CALN1: variants seen among roughly 807,000 people sequenced by gnomAD.
CALN1 encodes calneuron 1.
A neutral mutation model predicts 30.6 loss-of-function variants in CALN1; 17 were observed. The observed-to-expected ratio is 0.56, with a 90% CI of 0.38 to 0.83. The LOEUF (loss-of-function observed/expected upper bound fraction) is 0.83, where lower values mean the gene tolerates loss of function less well. Among genes scored for constraint, CALN1 ranks in the 40% least tolerant of loss-of-function variants. The pLI is 0.00. For missense variants in CALN1, 291 were observed against 354.9 expected, an observed-to-expected ratio of 0.82 and a Z score of 1.45; for synonymous variants, 156 against 131.4, an observed-to-expected ratio of 1.19 and a Z score of -1.28.
chr7:72,165,483 C>T (rs935623690), intron 3 of CALN1, among the ~76,000 whole-genome samples: 11 of 151,924 alleles, frequency 7.2e-5, no homozygotes, highest in Admixed American at 6.6e-4. Flanking sequence ...ACAGGAGAAT[C>T]GCTTAAACCC....
At chr7:72,106,464 G>A (rs768278819) in intron 3 of CALN1, among the ~76,000 whole-genome samples, 170 bp from the exon 4 acceptor site, 5 of 148,298 alleles carry the variant, frequency 3.4e-5, no homozygotes, top group Admixed American at 6.8e-5. Flanking sequence ...GAAAAGAAAC[G>A]AAGAAAAGAA....
intron 3 of CALN1, among the ~76,000 whole-genome samples, chr7:72,143,863 T>C (rs1274244466): frequency 6.6e-6 from 1 of 152,128 alleles, no homozygotes; most frequent in African/African-American, 2.4e-5. Context: ...GAATTTCATA[T>C]CCAGCCAAAC....
At chr7:72,091,173 A>G (rs1805833309) in intron 4 of CALN1, among the ~76,000 whole-genome samples, 1 of 152,182 alleles carries the variant, frequency 6.6e-6, no homozygotes, top group Admixed American at 6.5e-5. Flanking sequence ...TACTAAAAAT[A>G]CAAAAAAAAT....
intron 5 of CALN1, among the ~76,000 whole-genome samples, chr7:71,816,588 A>C (rs961682816): frequency 6.6e-6 from 1 of 152,176 alleles, no homozygotes; most frequent in African/African-American, 2.4e-5. Context: ...GGTTGCTGTC[A>C]TTCAGAAATC....
intron 5 of CALN1, among the ~76,000 whole-genome samples, chr7:71,907,900 CTGTCCCCAGGGACAAAGGA>C (rs545383264): frequency 0.01 from 1,576 of 152,316 alleles, 19 homozygotes; most frequent in African/African-American, 0.036. Flanking sequence ...TGATGATATC[CTGTCCCCAGGGACAAAGGA>C]TTAATAAAAA....
intron 3 of CALN1, among the ~76,000 whole-genome samples, chr7:72,267,787 G>C (rs756553482): frequency 6.6e-6 from 1 of 152,222 alleles, no homozygotes; most frequent in Non-Finnish European, 1.5e-5. Flanking sequence ...AAGGAGGATT[G>C]CTTGAGGCCA....
At chr7:72,175,415 G>T (rs1322935050) in intron 3 of CALN1, among the ~76,000 whole-genome samples, 2 of 152,080 alleles carry the variant, frequency 1.3e-5, no homozygotes, top group Admixed American at 1.3e-4. Context: ...AGTAAGTGGG[G>T]TAAGAAAGCA....
chr7:71,921,459 C>T (rs569004894), intron 5 of CALN1, among the ~76,000 whole-genome samples: 25 of 152,238 alleles, frequency 1.6e-4, no homozygotes, highest in Admixed American at 1.5e-3. Flanking sequence ...TTCTTATTTA[C>T]TGATACTTAA....
intron 5 of CALN1, among the ~76,000 whole-genome samples, chr7:71,970,736 A>G (rs1797753022): frequency 6.6e-6 from 1 of 152,152 alleles, no homozygotes; most frequent in Admixed American, 6.6e-5. Flanking sequence ...TTCAATAAGG[A>G]GCAGAGAAGG....
intron 3 of CALN1, among the ~76,000 whole-genome samples, chr7:72,207,383 A>T (rs566162224): frequency 1.3e-5 from 2 of 151,080 alleles, no homozygotes; most frequent in South Asian, 2.1e-4. Flanking sequence ...TCATTGGCCA[A>T]CTCCTATGCG....
chr7:72,013,333 C>T (rs1800198608), intron 5 of CALN1, among the ~76,000 whole-genome samples: 2 of 146,894 alleles, frequency 1.4e-5, no homozygotes, highest in Non-Finnish European at 3.0e-5. Flanking sequence ...CTCACTGCAG[C>T]CTCAACCTCC....
chr7:72,206,786 T>A (rs1026004071), intron 3 of CALN1, among the ~76,000 whole-genome samples: 1 of 152,212 alleles, frequency 6.6e-6, no homozygotes, highest in African/African-American at 2.4e-5. Context: ...ATATCCCATA[T>A]TGAAGATATG....
chr7:71,958,065 C>CAAAA (rs56355838), intron 5 of CALN1, among the ~76,000 whole-genome samples: 51 of 93,626 alleles, frequency 5.4e-4, no homozygotes, highest in Non-Finnish European at 5.8e-4. Context: ...AACTCCATCT[C>CAAAA]AAAAAAAAAA....
chr7:72,279,535 C>T (rs498441), intron 2 of CALN1, among the ~76,000 whole-genome samples: 147 of 152,252 alleles, frequency 9.7e-4, no homozygotes, highest in Non-Finnish European at 1.7e-3. Context: ...CATCCTTCTA[C>T]GCCAATAGAA....
chr7:71,816,770 C>G (rs912043961), intron 5 of CALN1, among the ~76,000 whole-genome samples: 1 of 152,148 alleles, frequency 6.6e-6, no homozygotes, highest in Non-Finnish European at 1.5e-5. Context: ...GAGTTCGAGA[C>G]TAGCCTGACC....
At chr7:71,938,110 C>T (rs141535533) in intron 5 of CALN1, among the ~76,000 whole-genome samples, 1 of 152,224 alleles carries the variant, frequency 6.6e-6, no homozygotes, top group Non-Finnish European at 1.5e-5. Context: ...GAGAGATTGG[C>T]ACAGAGATAA....
At chr7:71,988,266 A>T (rs844693) in intron 5 of CALN1, among the ~76,000 whole-genome samples, 19,333 of 152,208 alleles carry the variant, frequency 0.13, 1,803 homozygotes, top group East Asian at 0.38. Flanking sequence ...AATAAGGAGA[A>T]GAAGTTGACT....
At chr7:71,923,831 T>C (rs1399366328) in intron 5 of CALN1, among the ~76,000 whole-genome samples, 1 of 152,072 alleles carries the variant, frequency 6.6e-6, no homozygotes, top group Non-Finnish European at 1.5e-5. Flanking sequence ...TAACATTTGA[T>C]TTTTAAAATG....
chr7:72,269,151 G>C (rs747669005), intron 3 of CALN1, among the ~76,000 whole-genome samples: 16 of 152,196 alleles, frequency 1.1e-4, no homozygotes, highest in Non-Finnish European at 2.2e-4. Context: ...AAGCCCATGT[G>C]TGGGTTCCCC....
Sources: gnomAD v4.1 joint callset for allele counts (sites outside exome capture counted in the v4.1 genomes callset) on GRCh38, gnomAD v4.1.1 for gene constraint, MANE v1.5 for transcripts, NCBI Gene and HGNC (gene_info 2026-07-23, HGNC 2026-07-21) for gene names.